Variants in CDYL2 observed in about 807,000 individuals in gnomAD.
The protein encoded by CDYL2 is chromodomain Y like 2.
Under a neutral mutation model 49.4 loss-of-function variants are expected in CDYL2, and 23 were observed. The observed-to-expected ratio is 0.47, with a 90% CI of 0.34 to 0.66. CDYL2 has a LOEUF of 0.66. Ranked by LOEUF, CDYL2 falls within the 30% of genes least tolerant of loss-of-function variation. The pLI is 0.01. For synonymous variants in CDYL2, 360 were observed against 268.8 expected, an observed-to-expected ratio of 1.34 and a Z score of -3.32; for missense variants, 678 against 656.4, an observed-to-expected ratio of 1.03 and a Z score of -0.36.
chr16:80,656,920 A>C (rs1463350145), intron 2 of CDYL2, among the ~76,000 whole-genome samples: 1 of 152,194 alleles, frequency 6.6e-6, no homozygotes, highest in Non-Finnish European at 1.5e-5. Flanking sequence ...GGATGAAGTG[A>C]GCTGTCCACC....
At chr16:80,770,519 A>G (rs1906870366) in intron 1 of CDYL2, among the ~76,000 whole-genome samples, 1 of 152,232 alleles carries the variant, frequency 6.6e-6, no homozygotes, top group Admixed American at 6.5e-5. Context: ...GCTAAAGCCC[A>G]GAAAGTATAC....
At chr16:80,741,392 G>C (rs960048756) in intron 1 of CDYL2, among the ~76,000 whole-genome samples, 3 of 151,426 alleles carry the variant, frequency 2.0e-5, no homozygotes, top group Non-Finnish European at 4.4e-5. Flanking sequence ...GACAGACAAG[G>C]TCTAGGCTTA....
chr16:80,634,004 C>A (rs374425267), intron 2 of CDYL2, among the ~76,000 whole-genome samples: 1 of 152,078 alleles, frequency 6.6e-6, no homozygotes, highest in East Asian at 1.9e-4. Flanking sequence ...GCCAACACCC[C>A]CAAACCTCCA....
At chr16:80,638,613 G>C (rs921223310) in intron 2 of CDYL2, among the ~76,000 whole-genome samples, 3 of 151,296 alleles carry the variant, frequency 2.0e-5, no homozygotes, top group Non-Finnish European at 2.9e-5. Context: ...TGGTGTTGCT[G>C]AAAGAACAGA....
At chr16:80,740,608 T>C (rs1905700564) in intron 1 of CDYL2, among the ~76,000 whole-genome samples, 1 of 152,210 alleles carries the variant, frequency 6.6e-6, no homozygotes, top group African/African-American at 2.4e-5. Flanking sequence ...CAGTCATATA[T>C]CTTCACAGCC....
intron 2 of CDYL2, among the ~76,000 whole-genome samples, chr16:80,682,311 A>G (rs1183949547): frequency 6.6e-6 from 1 of 152,220 alleles, no homozygotes; most frequent in East Asian, 1.9e-4. Flanking sequence ...GAGATCAGAG[A>G]GACAAGAAAG....
chr16:80,717,368 T>C (rs571698380), intron 1 of CDYL2, among the ~76,000 whole-genome samples: 123 of 152,324 alleles, frequency 8.1e-4, no homozygotes, highest in South Asian at 6.2e-3. Context: ...TACAAAAAGA[T>C]AGCAACATGG....
At chr16:80,667,919 C>T (rs933715002) in intron 2 of CDYL2, among the ~76,000 whole-genome samples, 3 of 152,208 alleles carry the variant, frequency 2.0e-5, no homozygotes, top group Non-Finnish European at 4.4e-5. Context: ...GGCTGAATGC[C>T]CCTGACTCGC....
At chr16:80,777,384 T>C (rs1364906239) in intron 1 of CDYL2, among the ~76,000 whole-genome samples, 2 of 151,102 alleles carry the variant, frequency 1.3e-5, no homozygotes, top group African/African-American at 4.9e-5. Flanking sequence ...AGAGAAACAC[T>C]GAAACAGAGC....
Position 80,719,168 on chromosome 16 carries a change from A to G in CDYL2, c.25-34039T>C, listed in dbSNP as rs553238309. Among the ~76,000 whole-genome samples the G allele has an allele frequency of 6.1e-4, 93 of 152,242 alleles. No homozygotes were observed. The South Asian group carries it at 0.019, about 32-fold the overall frequency. ...CCTAGAGATAGAGTGCTGAGCAAGA[A>G]AGACACAGTCACTGACCCCCGTGAA... is the stretch of plus-strand genomic sequence containing the variant. On this transcript the variant is annotated intron_variant, in intron 1 of 6. Transcript: ENST00000570137.
chr16:80,669,729 C>T (rs1441171003), intron 2 of CDYL2, among the ~76,000 whole-genome samples: 1 of 152,182 alleles, frequency 6.6e-6, no homozygotes, highest in Non-Finnish European at 1.5e-5. Flanking sequence ...CCTGTGTTCT[C>T]CCTCCCTGCA....
chr16:80,731,548 T>C (rs910319348), intron 1 of CDYL2, among the ~76,000 whole-genome samples: 1 of 152,086 alleles, frequency 6.6e-6, no homozygotes, highest in Non-Finnish European at 1.5e-5. Context: ...CATATCCCTA[T>C]AAAAATTCAG....
intron 4 of CDYL2, among the ~76,000 whole-genome samples, chr16:80,620,506 T>C (rs1314406833): frequency 6.6e-6 from 1 of 152,210 alleles, no homozygotes; most frequent in Non-Finnish European, 1.5e-5. Flanking sequence ...GGATCTAACC[T>C]AGAGGGCAAA....
chr16:80,703,859 C>A (rs7186593), intron 1 of CDYL2, among the ~76,000 whole-genome samples: 7 of 152,130 alleles, frequency 4.6e-5, no homozygotes, highest in African/African-American at 1.4e-4. Flanking sequence ...TGCGGAGCCA[C>A]GTTAGCATCA....
chr16:80,777,285 T>A (rs1264008477), intron 1 of CDYL2, among the ~76,000 whole-genome samples: 1 of 152,076 alleles, frequency 6.6e-6, no homozygotes, highest in Non-Finnish European at 1.5e-5. Context: ...GATTATTAAA[T>A]TATACATATA....
At chr16:80,758,600 T>C (rs1258375874) in intron 1 of CDYL2, among the ~76,000 whole-genome samples, 7 of 147,182 alleles carry the variant, frequency 4.8e-5, no homozygotes, top group African/African-American at 1.5e-4. Flanking sequence ...TGGAGGGCAG[T>C]GGCACGATCT....
At chr16:80,795,398 A>C (rs887974853) in intron 1 of CDYL2, among the ~76,000 whole-genome samples, 9 of 152,218 alleles carry the variant, frequency 5.9e-5, no homozygotes, top group African/African-American at 2.2e-4. Flanking sequence ...ACTGGGACAT[A>C]AAATAAACAA....
chr16:80,765,649 G>T (rs1567599929), intron 1 of CDYL2, among the ~76,000 whole-genome samples: 1 of 142,908 alleles, frequency 7.0e-6, no homozygotes, highest in African/African-American at 2.6e-5. Context: ...TAGCCAAAAT[G>T]TGAAAACAAT....
chr16:80,643,398 T>C (rs1282205574), intron 2 of CDYL2, among the ~76,000 whole-genome samples: 1 of 152,212 alleles, frequency 6.6e-6, no homozygotes, highest in Non-Finnish European at 1.5e-5. Context: ...CAGCACAAGC[T>C]GTCAGTGGAT....
Sources: gnomAD v4.1 joint callset for allele counts (sites outside exome capture counted in the v4.1 genomes callset) on GRCh38, gnomAD v4.1.1 for gene constraint, MANE v1.5 for transcripts, NCBI Gene and HGNC (gene_info 2026-07-23, HGNC 2026-07-21) for gene names.